Variants in OPA1 observed in about 807,000 individuals in gnomAD.
OPA1 encodes the protein OPA1 mitochondrial dynamin like GTPase.
In OPA1, 59 loss-of-function variants were observed where a neutral mutation model predicts 152.9. That is an observed-to-expected ratio of 0.39 (90% CI 0.31 to 0.48). The LOEUF (loss-of-function observed/expected upper bound fraction) is 0.48. OPA1 is among the 20% of genes least tolerant of loss of function. The probability of loss-of-function intolerance (pLI) is 0.96; values close to 1 mark genes in which losing one functional copy is unlikely to be tolerated. For missense variants in OPA1, 1,008 were observed against 1,216.8 expected (o/e 0.83, Z 2.55); for synonymous variants, 400 against 389.9 (o/e 1.03, Z -0.31).
intron 1 of OPA1, among the ~76,000 whole-genome samples, chr3:193,605,604 G>A (rs1401147833): frequency 1.3e-5 from 2 of 152,260 alleles, no homozygotes; most frequent in Non-Finnish European, 2.9e-5. Context: ...CTTGAGTTTC[G>A]ATCTTATCAA....
intron 1 of OPA1, among the ~76,000 whole-genome samples, chr3:193,610,332 C>T (rs564391468): frequency 3.1e-4 from 47 of 152,284 alleles, no homozygotes; most frequent in East Asian, 1.2e-3. Context: ...GTATCAGCAG[C>T]GGAGGCTGCA....
At chr3:193,600,518 G>A (rs760244454) in intron 1 of OPA1, among the ~76,000 whole-genome samples, 15 of 152,146 alleles carry the variant, frequency 9.9e-5, no homozygotes, top group Middle Eastern at 3.2e-3. Context: ...ATGCTAAGGT[G>A]TACTCCTTAA....
At chr3:193,605,076 A>G (rs1727052753) in intron 1 of OPA1, among the ~76,000 whole-genome samples, 1 of 152,074 alleles carries the variant, frequency 6.6e-6, no homozygotes, top group Non-Finnish European at 1.5e-5. Flanking sequence ...TGCCTGGGGA[A>G]AATATGAAGG....
chr3:193,690,040 G>A (rs1003072846), intron 29 of OPA1, among the ~76,000 whole-genome samples: 3 of 150,532 alleles, frequency 2.0e-5, no homozygotes, highest in African/African-American at 4.9e-5. Context: ...AGGTTAAGCT[G>A]TTTCTAAGCA....
chr3:193,664,360 CA>C (rs144309226), intron 26 of OPA1, among the ~76,000 whole-genome samples: 1 of 151,382 alleles, frequency 6.6e-6, no homozygotes, highest in Non-Finnish European at 1.5e-5. Context: ...TTGTTTTGCT[CA>C]AAAAAGGACA....
Position 193,654,939 on chromosome 3 carries a change from A to G in OPA1, c.2090A>G (p.Gln697Arg). 6.2e-7 allele frequency: 1 copy of G among 1,614,018 alleles called. No homozygotes were observed. The highest frequency in any genetic ancestry group is 8.5e-7 in the Non-Finnish European group (1 of 1,179,938). The change falls in exon 22 of 31, where the codon CAG (glutamine) becomes CGG (arginine). Residue 697 changes from glutamine to arginine, a missense_variant. By Grantham distance (43) the Gln-to-Arg change is conservative. Transcript: ENST00000361510. ...VIENIYLPAA[Q>R]TMNSGTFNTT... is the part of the protein sequence containing the mutation. Reference sequence around the variant, plus strand: ...GAAAACATCTACCTTCCAGCTGCGCAGACCATGAATTCAGGAACTTTTAAC... The same window carrying G: ...GAAAACATCTACCTTCCAGCTGCGCGGACCATGAATTCAGGAACTTTTAAC...
chr3:193,634,098 A>G (rs979164412), intron 8 of OPA1, among the ~76,000 whole-genome samples: 6 of 152,114 alleles, frequency 3.9e-5, no homozygotes, highest in Non-Finnish European at 8.8e-5. Flanking sequence ...TGTAAGGAAT[A>G]TTTTTTATTA....
At chr3:193,642,344 A>G (rs1416606491) in intron 11 of OPA1, among the ~76,000 whole-genome samples, 2 of 152,004 alleles carry the variant, frequency 1.3e-5, no homozygotes, top group Non-Finnish European at 2.9e-5. Context: ...CACATAGTTC[A>G]CTCTCTATAG....
chr3:193,612,268 C>CT (rs34283831), intron 1 of OPA1, among the ~76,000 whole-genome samples: 50,968 of 116,254 alleles, frequency 0.44, 11,556 homozygotes, highest in African/African-American at 0.5. Context: ...GTCTAACTTC[C>CT]TTTTTTTTTT....
chr3:193,625,666 A>G (rs1553874019), intron 6 of OPA1, among the ~76,000 whole-genome samples: 2 of 152,210 alleles, frequency 1.3e-5, no homozygotes, highest in Non-Finnish European at 2.9e-5. Context: ...AAAAAATACT[A>G]ACTTAAGAAT....
chr3:193,688,449 CTTTTTT>C, intron 29 of OPA1, among the ~76,000 whole-genome samples: 1 of 63,358 alleles, frequency 1.6e-5, no homozygotes, highest in African/African-American at 5.3e-5. Flanking sequence ...TGGGTCTTTT[CTTTTTT>C]TTTTTTTTTT....
chr3:193,612,091 C>T (rs539233785), intron 1 of OPA1, among the ~76,000 whole-genome samples: 1 of 152,034 alleles, frequency 6.6e-6, no homozygotes, highest in African/African-American at 2.4e-5. Flanking sequence ...AGTCCTGGAT[C>T]GTAAGCTCCT....
chr3:193,661,720 G>C (rs578138133), intron 25 of OPA1, among the ~76,000 whole-genome samples: 2 of 152,308 alleles, frequency 1.3e-5, no homozygotes, highest in Admixed American at 1.3e-4. Context: ...TCCAAGAGTA[G>C]TTCTCTCTTC....
intron 30 of OPA1, among the ~76,000 whole-genome samples, chr3:193,694,303 G>A (rs989279349): frequency 1.3e-5 from 2 of 152,308 alleles, no homozygotes. Context: ...CTCAAGTATA[G>A]TTTTAACACA....
Position 193,692,094 on chromosome 3 carries a change from T to G in OPA1, c.3015T>G (p.Asp1005Glu), listed in dbSNP as rs1351216772. The G allele has an allele frequency of 6.4e-7, 1 of 1,552,932 alleles. No individual in the cohort carries two copies. Among genetic ancestry groups the G allele is most frequent in the African/African-American group, 1.4e-5 (1 of 73,730 alleles). The change falls in exon 30 of 31, where the codon GAT becomes GAG. Residue 1005 changes from aspartate (D) to glutamate (E), a missense_variant. By Grantham distance (45) the Asp-to-Glu change is conservative. Around this residue, in one of 7 missense-constraint regions of OPA1, gnomAD observed 137 missense variants for 171.0 expected, o/e 0.80. Transcript: ENST00000361510. ...KKVREIQEKL[D>E]AFIEALHQEK is the part of the protein sequence containing the mutation. ...TTAGAGAAATTCAAGAAAAACTTGATGCTTTCATTGAAGCTCTTCATCAGG... is the reference window on the plus strand; with the variant it reads ...TTAGAGAAATTCAAGAAAAACTTGAGGCTTTCATTGAAGCTCTTCATCAGG...
chr3:193,598,757 T>C lies in OPA1; in HGVS notation c.32+5348T>C, dbSNP rs144425555. Among the ~76,000 whole-genome samples the C allele has an allele frequency of 7.2e-5, 11 of 152,354 alleles. No homozygotes were observed. The East Asian group carries it at 2.1e-3, about 29-fold the overall frequency. On this transcript the variant is annotated intron_variant, in intron 1 of 30. Transcript: ENST00000361510. ...TGGCGACTCTCTAATACAGCTATTA[T>C]GCCATTTTAACCGATTAAGAAACTA...
intron 1 of OPA1, among the ~76,000 whole-genome samples, chr3:193,612,894 A>T (rs570118474): frequency 6.6e-6 from 1 of 152,314 alleles, no homozygotes; most frequent in East Asian, 1.9e-4. Flanking sequence ...AGCTCAAAAC[A>T]CAAGTTAGTG....
chr3:193,607,022 G>A (rs1727395962), intron 1 of OPA1, among the ~76,000 whole-genome samples: 1 of 152,352 alleles, frequency 6.6e-6, no homozygotes, highest in Non-Finnish European at 1.5e-5. Context: ...GGCCAGTGAT[G>A]ATGAGCATTT....
At chr3:193,632,954 T>A (rs538853807) in intron 8 of OPA1, among the ~76,000 whole-genome samples, 1 of 152,366 alleles carries the variant, frequency 6.6e-6, no homozygotes, top group African/African-American at 2.4e-5. Flanking sequence ...TTATCTGAGG[T>A]GCTTGGGGCC....
Sources: gnomAD v4.1 joint callset for allele counts (sites outside exome capture counted in the v4.1 genomes callset) on GRCh38, gnomAD v4.1.1 for gene constraint, gnomAD v4.1.1 regional missense constraint, MANE v1.5 for transcripts, NCBI Gene and HGNC (gene_info 2026-07-23, HGNC 2026-07-21) for gene names.